FBN2: variants seen among roughly 807,000 people sequenced by gnomAD.
FBN2 encodes the protein fibrillin 2.
Under a neutral mutation model 355.6 loss-of-function variants are expected in FBN2, and 105 were observed. That is an observed-to-expected ratio of 0.30 (90% CI 0.25 to 0.35). FBN2 has a LOEUF of 0.35. FBN2 is among the 10% of genes least tolerant of loss of function. The pLI is 1.00. For synonymous variants in FBN2, 1,350 were observed against 1,301.2 expected (o/e 1.04, Z -0.81); for missense variants, 3,280 against 3,758.7 (o/e 0.87, Z 3.33).
At chr5:128,400,030 G>A (rs1323266976) in intron 8 of FBN2, among the ~76,000 whole-genome samples, 1 of 151,830 alleles carries the variant, frequency 6.6e-6, no homozygotes, top group Non-Finnish European at 1.5e-5. Context: ...AAGATTTACA[G>A]ACTGTAAAAA....
At chr5:128,311,455 C>G in intron 38 of FBN2, 30 bp from the exon 39 acceptor site, 1 of 1,611,486 alleles carries the variant, frequency 6.2e-7, no homozygotes, top group East Asian at 2.2e-5. Flanking sequence ...GCACTTAAAA[C>G]AAACACCTTC....
At position 128,338,011 on chromosome 5, in the gene FBN2, C is replaced by T. The variant is rs751600209; in HGVS notation, c.3584G>A (p.Arg1195His). The T allele has an allele frequency of 1.6e-5, 26 of 1,614,008 alleles. No individual in the cohort carries two copies. The highest frequency in any genetic ancestry group is 1.1e-4 in the African/African-American group (8 of 74,944). ...CPLGHELSPS[R>H]EDCVDINECS... ...GATAAACTCACCCACACAGTCCTCACGGGATGGTGACAGCTCGTGTCCCAG... is the reference window on the plus strand; with the variant it reads ...GATAAACTCACCCACACAGTCCTCATGGGATGGTGACAGCTCGTGTCCCAG... The change falls in exon 27 of 65, where the codon CGT (arginine) becomes CAT (histidine). Residue 1195 changes from arginine (R) to histidine (H), a missense_variant. Coordinates refer to ENST00000262464, the MANE Select transcript of FBN2 (RefSeq NM_001999.4).
At chr5:128,420,099 AT>A (rs1473761342) in intron 7 of FBN2, among the ~76,000 whole-genome samples, 7 of 152,212 alleles carry the variant, frequency 4.6e-5, no homozygotes, top group African/African-American at 1.4e-4. Context: ...GAGACTTTAT[AT>A]TGTTGGTATT....
chr5:128,509,254 C>T (rs1756046416), intron 5 of FBN2, among the ~76,000 whole-genome samples: 1 of 152,144 alleles, frequency 6.6e-6, no homozygotes, highest in Non-Finnish European at 1.5e-5. Flanking sequence ...ACAGAGCTCA[C>T]TTATGCTCTC....
At chr5:128,368,453 TACAC>T (rs763374848) in intron 16 of FBN2, among the ~76,000 whole-genome samples, 1 of 128,026 alleles carries the variant, frequency 7.8e-6, no homozygotes, top group Non-Finnish European at 1.7e-5. Flanking sequence ...TACATATATA[TACAC>T]ATATATATAC....
intron 55 of FBN2, among the ~76,000 whole-genome samples, chr5:128,284,964 T>A (rs1396645431): frequency 6.6e-6 from 1 of 152,220 alleles, no homozygotes; most frequent in Non-Finnish European, 1.5e-5. Flanking sequence ...ATTGGGACAG[T>A]CTGCCAAAGT....
intron 27 of FBN2, among the ~76,000 whole-genome samples, chr5:128,337,789 G>A (rs1346467877): frequency 6.6e-6 from 1 of 152,160 alleles, no homozygotes; most frequent in Non-Finnish European, 1.5e-5. Context: ...TAAAAAAAGA[G>A]GCCAACCAGA....
At chr5:128,504,930 C>T (rs747760793) in intron 5 of FBN2, among the ~76,000 whole-genome samples, 12 of 152,152 alleles carry the variant, frequency 7.9e-5, no homozygotes, top group South Asian at 2.1e-4. Context: ...GAGTCAACAG[C>T]AGGGCTAGGT....
chr5:128,335,061 A>AT (rs1227187004), intron 30 of FBN2, 109 bp downstream of exon 30: 4 of 1,511,890 alleles, frequency 2.6e-6, no homozygotes, highest in Non-Finnish European at 3.7e-6. Context: ...AATGATTTGA[A>AT]TTTTTAAAAT....
intron 5 of FBN2, among the ~76,000 whole-genome samples, chr5:128,492,466 C>A (rs1055103125): frequency 2.0e-5 from 3 of 152,114 alleles, no homozygotes; most frequent in Non-Finnish European, 4.4e-5. Context: ...ACATCAGAGA[C>A]CTTTTACAAC....
At chr5:128,388,950 T>C (rs1299371698) in intron 11 of FBN2, among the ~76,000 whole-genome samples, 1 of 152,212 alleles carries the variant, frequency 6.6e-6, no homozygotes, top group Non-Finnish European at 1.5e-5. Flanking sequence ...TGCTTGCTCT[T>C]TCTACCTCTG....
Position 128,361,757 on chromosome 5 carries a change from C to A in FBN2, c.2520G>T (p.Gly840=), listed in dbSNP as rs1460481863. ...PGSYSCTCPP[G]YVFRTETETC... ...TCTCTGTCTCAGTCCTGAACACATA[C>A]CCTGGTGGGCACGTACAGCTGTAAC... Residue 840 remains glycine, a synonymous_variant, in exon 19 of 65, where the codon GGG becomes GGT. Transcript: ENST00000262464. 2 of 1,614,156 alleles carry A rather than the reference C, an allele frequency of 1.2e-6. No individual in the cohort carries two copies. Among genetic ancestry groups the A allele is most frequent in the South Asian group, 1.1e-5 (1 of 91,086 alleles).
At chr5:128,354,731 G>A (rs1751457681) in intron 20 of FBN2, among the ~76,000 whole-genome samples, 1 of 152,184 alleles carries the variant, frequency 6.6e-6, no homozygotes, top group Admixed American at 6.5e-5. Flanking sequence ...AGGTTTTAAG[G>A]GGTGGCAGCT....
At chr5:128,392,447 ACT>A (rs1389800332) in intron 10 of FBN2, among the ~76,000 whole-genome samples, 3 of 152,266 alleles carry the variant, frequency 2.0e-5, no homozygotes, top group East Asian at 3.9e-4. Flanking sequence ...CTCCTTTGTA[ACT>A]CTGCTGAATA....
Position 128,290,789 on chromosome 5 carries a change from T to G in FBN2, c.6388A>C (p.Lys2130Gln). ...NTTKAKCCCS[K>Q]MPGEGWGDPC... is the part of the protein sequence containing the mutation. The stretch of plus-strand genomic sequence containing the variant: ...TCCCCCCAGCCCTCTCCTGGCATCT[T>G]ACTACAGCAGCATTTTGCTTTTGTG... The change falls in exon 50 of 65, where the codon AAG (lysine) becomes CAG (glutamine). Residue 2130 changes from lysine (K) to glutamine (Q), a missense_variant. Coordinates refer to ENST00000262464, the MANE Select transcript of FBN2 (RefSeq NM_001999.4). 6.2e-7 allele frequency: 1 copy of G among 1,614,178 alleles called. No homozygotes were observed. The highest frequency in any genetic ancestry group is 8.5e-7 in the Non-Finnish European group (1 of 1,179,996).
At chr5:128,442,302 A>G (rs1416424380) in intron 7 of FBN2, 1 of 456,514 alleles carries the variant, frequency 2.2e-6, no homozygotes, top group Non-Finnish European at 4.4e-6. Flanking sequence ...AGGAATGTTA[A>G]CGAAGGTATA....
intron 19 of FBN2, among the ~76,000 whole-genome samples, chr5:128,361,404 A>C (rs1214043215): frequency 6.6e-6 from 1 of 152,230 alleles, no homozygotes; most frequent in Non-Finnish European, 1.5e-5. Flanking sequence ...AGAGGAAAAC[A>C]CAGTAAACAA....
At chr5:128,445,035 G>C (rs1561460500) in intron 7 of FBN2, among the ~76,000 whole-genome samples, 1 of 152,196 alleles carries the variant, frequency 6.6e-6, no homozygotes, top group Admixed American at 6.5e-5. Flanking sequence ...CAGAATTTCT[G>C]CAGATCCCTG....
intron 36 of FBN2, among the ~76,000 whole-genome samples, chr5:128,313,862 A>G (rs1314815115): frequency 6.6e-6 from 1 of 151,124 alleles, no homozygotes; most frequent in East Asian, 1.9e-4. Flanking sequence ...CAAAAAAAAA[A>G]AAAAAAAAAA....
Sources: allele counts gnomAD v4.1 joint callset (sites outside exome capture counted in the v4.1 genomes callset), GRCh38; gene constraint gnomAD v4.1.1; transcripts MANE v1.5; gene names NCBI Gene and HGNC (gene_info 2026-07-23, HGNC 2026-07-21).